FXR1: variants seen among roughly 807,000 people sequenced by gnomAD.
FXR1 encodes the protein FMR1 autosomal homolog 1, also known as RNA-binding protein FXR1.
In FXR1, 15 loss-of-function variants were observed where a neutral mutation model predicts 84.0. That is an observed-to-expected ratio of 0.18 (90% confidence interval 0.12 to 0.27). The LOEUF (loss-of-function observed/expected upper bound fraction) is 0.27. Among genes scored for constraint, FXR1 ranks in the 10% least tolerant of loss-of-function variants. The pLI is 1.00. For missense variants in FXR1, 480 were observed against 774.4 expected (o/e 0.62, Z 4.51); for synonymous variants, 245 against 250.7 (o/e 0.98, Z 0.21).
At chr3:180,956,694 T>C (rs1390700965) in intron 9 of FXR1, among the ~76,000 whole-genome samples, 1 of 144,422 alleles carries the variant, frequency 6.9e-6, no homozygotes, top group Non-Finnish European at 1.5e-5. Context: ...CCTGCCCTAC[T>C]TTTTTTTTTT....
chr3:180,970,972 TAA>T (rs1713489188), intron 15 of FXR1: 1 of 239,446 alleles, frequency 4.2e-6, no homozygotes, highest in Admixed American at 5.5e-5. Context: ...TGTGTTTAAT[TAA>T]AAGTTTATTT....
At chr3:180,933,502 G>A in intron 2 of FXR1, 116 bp downstream of exon 2, 1 of 684,702 alleles carries the variant, frequency 1.5e-6, no homozygotes, top group Non-Finnish European at 2.6e-6. Context: ...GGAGTGGGGA[G>A]GTTTGGTTGT....
At chr3:180,941,915 TA>T (rs1559993223) in intron 3 of FXR1, among the ~76,000 whole-genome samples, 1 of 152,212 alleles carries the variant, frequency 6.6e-6, no homozygotes, top group Non-Finnish European at 1.5e-5. Context: ...ATAATAGCAG[TA>T]CTCAATAAAT....
At chr3:180,955,248 C>CTCGG (rs1432867417) in intron 9 of FXR1, among the ~76,000 whole-genome samples, 1 of 152,020 alleles carries the variant, frequency 6.6e-6, no homozygotes, top group Non-Finnish European at 1.5e-5. Context: ...ATCCGCCCAC[C>CTCGG]TCGGCCTCCC....
At chr3:180,933,410 G>T in intron 2 of FXR1, 24 bp downstream of exon 2, 3 of 1,423,458 alleles carry the variant, frequency 2.1e-6, no homozygotes, top group Non-Finnish European at 2.0e-6. Flanking sequence ...GTTGACAAAG[G>T]CCTTAATTTT....
intron 3 of FXR1, among the ~76,000 whole-genome samples, chr3:180,945,545 C>T (rs1251141255): frequency 1.3e-5 from 2 of 152,204 alleles, no homozygotes; most frequent in African/African-American, 4.8e-5. Context: ...GGTGGCACCA[C>T]AGGTGCACGC....
At chr3:180,937,174 TG>T (rs1379697764) in intron 3 of FXR1, among the ~76,000 whole-genome samples, 1 of 152,244 alleles carries the variant, frequency 6.6e-6, no homozygotes, top group African/African-American at 2.4e-5. Context: ...CAGTGTTTTT[TG>T]GATTTTGAGT....
chr3:180,948,852 G>A (rs755075110), intron 6 of FXR1, 38 bp downstream of exon 6: 1 of 874,244 alleles, frequency 1.1e-6, no homozygotes, highest in East Asian at 2.4e-5. Flanking sequence ...CTTATTAATG[G>A]ATATTGCACA....
intron 8 of FXR1, among the ~76,000 whole-genome samples, chr3:180,952,312 A>G (rs534632152): frequency 2.6e-5 from 4 of 152,242 alleles, no homozygotes; most frequent in Non-Finnish European, 5.9e-5. Context: ...CATAGCTCTT[A>G]TGAACAGCTG....
At position 180,970,324 on chromosome 3, in the gene FXR1, A is replaced by G. The variant is rs767296337; in HGVS notation, c.1569A>G (p.Glu523=). The G allele has an allele frequency of 3.8e-6, 6 of 1,590,246 alleles. No individual in the cohort carries two copies. The South Asian group carries it at 6.6e-5, about 18-fold the overall frequency. Residue 523 remains glutamate, a synonymous_variant, in exon 15 of 17, where the codon GAA becomes GAG. Coordinates refer to ENST00000357559, the MANE Select transcript of FXR1 (RefSeq NM_005087.4). ...CTGTTCTGATGGATGGAATGACTGAATCTGATACAGCTTCAGTTAATGAAA... is the reference window on the plus strand; with the variant it reads ...CTGTTCTGATGGATGGAATGACTGAGTCTGATACAGCTTCAGTTAATGAAA... The part of the protein sequence containing the change: ...EDAVLMDGMT[E]SDTASVNENG...
rs565706044 is a variant in FXR1, at chr3:180,944,368, T to G, written c.199-3497T>G. 1.7e-3 allele frequency among the ~76,000 whole-genome samples: 262 copies of G among 151,798 alleles called. 1 individual carries two copies. Among genetic ancestry groups the G allele is most frequent in the Admixed American group, 0.016 (246 of 15,232 alleles). On this transcript the variant is annotated intron_variant, in intron 3 of 16. Transcript: ENST00000357559. ...CAGGGTCTCGCTCTGTCACCCAGTTTAGAGTATAGTGGCATGATCATGGCT... is the reference window on the plus strand; with the variant it reads ...CAGGGTCTCGCTCTGTCACCCAGTTGAGAGTATAGTGGCATGATCATGGCT...
intron 3 of FXR1, 57 bp downstream of exon 3, chr3:180,935,288 CTT>C (rs1720394283): frequency 3.9e-6 from 3 of 774,716 alleles, no homozygotes; most frequent in African/African-American, 1.8e-5. Flanking sequence ...AATAAATACT[CTT>C]TTAGGAGAAT....
chr3:180,970,383 AATATATATATATATATATATATAT>A lies in FXR1; in HGVS notation c.1603+41_1603+64del, dbSNP rs56345724. 3.7e-4 allele frequency: 136 copies of A among 368,172 alleles called. 13 individuals carry two copies. Among genetic ancestry groups the A allele is most frequent in the Middle Eastern group, 1.9e-3 (2 of 1,036 alleles). The allele number at this position is 368,172 out of a possible 1,614,324, so 22.8% of individuals were successfully genotyped here. A position where few individuals can be genotyped will look rare whatever the true frequency, so the allele number is the denominator to read the frequency against. Reference sequence around the variant, plus strand: ...GGTATGTAAGCACTTAGGGAAGAGAAATATATATATATATATATATATATATATATATATATATAATTGTAAACT... The same window carrying A: ...GGTATGTAAGCACTTAGGGAAGAGAAATATATATATATATAATTGTAAACT... On this transcript the variant is annotated intron_variant, in intron 15 of 16. Coordinates refer to ENST00000357559, the MANE Select transcript of FXR1 (RefSeq NM_005087.4).
chr3:180,914,860 T>G, intron 1 of FXR1: 4 of 984,306 alleles, frequency 4.1e-6, no homozygotes, highest in Non-Finnish European at 4.8e-6. Flanking sequence ...CGCTTGAACA[T>G]TTGGAATTTT....
At chr3:180,962,774 T>G (rs1712287794) in intron 11 of FXR1, 109 bp from the exon 12 acceptor site, 3 of 712,970 alleles carry the variant, frequency 4.2e-6, no homozygotes, top group Admixed American at 2.4e-5. Flanking sequence ...CTTTACCATC[T>G]AATTGCCTAA....
At chr3:180,930,254 T>G (rs1476049423) in intron 1 of FXR1, among the ~76,000 whole-genome samples, 1 of 150,736 alleles carries the variant, frequency 6.6e-6, no homozygotes, top group Non-Finnish European at 1.5e-5. Context: ...AGAGTGAGAC[T>G]CCATCTCAAA....
intron 10 of FXR1, among the ~76,000 whole-genome samples, chr3:180,961,035 T>C (rs1712035950): frequency 6.6e-6 from 1 of 152,088 alleles, no homozygotes; most frequent in African/African-American, 2.4e-5. Flanking sequence ...AGAGTTTTCC[T>C]AATTATATAT....
chr3:180,978,298 G>A lies in FXR1; in HGVS notation c.*2006G>A, dbSNP rs1714417681. 6.6e-6 allele frequency: 1 copy of A among 151,920 alleles called. No homozygotes were observed. The highest frequency in any genetic ancestry group is 1.5e-5 in the Non-Finnish European group (1 of 67,954). 9.4% of individuals were successfully genotyped at this position (151,920 alleles called of 1,614,324 possible). ...ATGGAAGAAACAAAATCTTAAAAGA[G>A]TGAGTATAGCTGAACCAATTCTTCA... is the stretch of plus-strand genomic sequence containing the variant. On this transcript the variant is annotated 3_prime_UTR_variant, in exon 17 of 17. Coordinates refer to ENST00000357559, the MANE Select transcript of FXR1 (RefSeq NM_005087.4).
chr3:180,940,739 G>A (rs1031840604), intron 3 of FXR1, among the ~76,000 whole-genome samples: 2 of 152,030 alleles, frequency 1.3e-5, no homozygotes, highest in Admixed American at 6.6e-5. Flanking sequence ...ACCACACCCA[G>A]CTAATTTTGT....
Sources: gnomAD v4.1 joint callset for allele counts (sites outside exome capture counted in the v4.1 genomes callset) on GRCh38, gnomAD v4.1.1 for gene constraint, MANE v1.5 for transcripts, NCBI Gene and HGNC (gene_info 2026-07-23, HGNC 2026-07-21) for gene names.